PRELID2: variants seen among roughly 807,000 people sequenced by gnomAD.
PRELID2 encodes PRELI domain containing 2, also known as PRELI domain-containing protein 2.
A neutral mutation model predicts 28.4 loss-of-function variants in PRELID2; 25 were observed. That is an observed-to-expected ratio of 0.88 (90% CI 0.64 to 1.23). PRELID2 has a LOEUF of 1.23. Among genes scored for constraint, PRELID2 ranks in the 50% most tolerant of loss-of-function variants. PRELID2 has a pLI of 0.00. For missense variants in PRELID2, 201 were observed against 214.4 expected (o/e 0.94, Z 0.39); for synonymous variants, 76 against 71.6 (o/e 1.06, Z -0.31).
chr5:145,560,412 G>A (rs1006337686), intron 1 of PRELID2, among the ~76,000 whole-genome samples: 1 of 152,212 alleles, frequency 6.6e-6, no homozygotes, highest in African/African-American at 2.4e-5. Context: ...TTGAGTATAT[G>A]TTTGAACAAG....
intron 1 of PRELID2, among the ~76,000 whole-genome samples, chr5:145,704,746 C>T (rs1224196583): frequency 3.3e-5 from 5 of 152,124 alleles, no homozygotes; most frequent in Admixed American, 1.3e-4. Context: ...ACCTATGTTT[C>T]TCTCCTAGAT....
chr5:145,335,368 C>A, the PRELID2 span, among the ~76,000 whole-genome samples: 53 of 151,750 alleles, frequency 3.5e-4, no homozygotes, highest in Middle Eastern at 3.4e-3. Context: ...TATTGTTTTT[C>A]CTGGTATTAT....
At chr5:145,377,203 T>G in the PRELID2 span, among the ~76,000 whole-genome samples, 3 of 152,212 alleles carry the variant, frequency 2.0e-5, no homozygotes, top group Non-Finnish European at 4.4e-5. Context: ...TAGTTTTAAG[T>G]AAATTTATTA....
intron 4 of PRELID2, among the ~76,000 whole-genome samples, chr5:145,806,959 T>G (rs952909381): frequency 1.3e-5 from 2 of 152,346 alleles, no homozygotes; most frequent in Admixed American, 6.5e-5. Flanking sequence ...GTCTCAGTTA[T>G]TTCTTGATAA....
chr5:145,726,695 G>A (rs181134731), intron 1 of PRELID2, among the ~76,000 whole-genome samples: 9 of 152,316 alleles, frequency 5.9e-5, no homozygotes, highest in Non-Finnish European at 1.3e-4. Flanking sequence ...AATTATGTAG[G>A]TTAAATATAA....
the PRELID2 span, among the ~76,000 whole-genome samples, chr5:145,296,026 G>A: frequency 6.6e-6 from 1 of 151,970 alleles, no homozygotes; most frequent in Non-Finnish European, 1.5e-5. Context: ...ATAGGGAAGT[G>A]AGATTAATTG....
At chr5:145,468,417 T>C (rs1752022900), downstream of PRELID2, among the ~76,000 whole-genome samples, 1 of 152,350 alleles carries the variant, frequency 6.6e-6, no homozygotes, top group Admixed American at 6.5e-5. Flanking sequence ...TTTATAATCC[T>C]TTGGGTATAT....
chr5:145,685,651 T>C (rs1755024537), intron 1 of PRELID2, among the ~76,000 whole-genome samples: 1 of 150,908 alleles, frequency 6.6e-6, no homozygotes, highest in Admixed American at 6.6e-5. Context: ...AGAGGGAAGT[T>C]CTATATATTA....
the PRELID2 span, among the ~76,000 whole-genome samples, chr5:145,354,253 C>A: frequency 6.6e-6 from 1 of 152,180 alleles, no homozygotes; most frequent in East Asian, 1.9e-4. Flanking sequence ...GCCTCTTAAC[C>A]AAGATTCAGA....
chr5:145,336,413 C>T, the PRELID2 span, among the ~76,000 whole-genome samples: 182 of 151,406 alleles, frequency 1.2e-3, no homozygotes, highest in Middle Eastern at 3.4e-3. Flanking sequence ...TTAGGTCTAA[C>T]GTTTAAGTCT....
intron 1 of PRELID2, among the ~76,000 whole-genome samples, chr5:145,659,857 T>C (rs1470136569): frequency 6.6e-6 from 1 of 152,162 alleles, no homozygotes; most frequent in African/African-American, 2.4e-5. Flanking sequence ...TTTTTTTAAA[T>C]TGTATATTTA....
chr5:145,683,712 T>G (rs909954649), intron 1 of PRELID2, among the ~76,000 whole-genome samples: 2 of 152,132 alleles, frequency 1.3e-5, no homozygotes, highest in African/African-American at 4.8e-5. Context: ...ACAGATACTC[T>G]CAGATACTGG....
intron 1 of PRELID2, among the ~76,000 whole-genome samples, chr5:145,652,436 G>C (rs1293280073): frequency 3.3e-5 from 5 of 152,158 alleles, no homozygotes; most frequent in Admixed American, 1.3e-4. Flanking sequence ...GCAACTCCAA[G>C]ACACATAACT....
the PRELID2 span, among the ~76,000 whole-genome samples, chr5:145,417,912 G>T: frequency 6.6e-6 from 1 of 152,112 alleles, no homozygotes; most frequent in East Asian, 1.9e-4. Context: ...TCAAGCAAGA[G>T]AAAGAAATAA....
At chr5:145,334,395 T>C in the PRELID2 span, among the ~76,000 whole-genome samples, 2 of 152,344 alleles carry the variant, frequency 1.3e-5, no homozygotes, top group South Asian at 4.1e-4. Flanking sequence ...TGTCACAATT[T>C]ACATCTATTT....
chr5:145,717,831 A>G (rs1250975652), intron 1 of PRELID2, among the ~76,000 whole-genome samples: 1 of 151,964 alleles, frequency 6.6e-6, no homozygotes, highest in Non-Finnish European at 1.5e-5. Flanking sequence ...CAACAGATGT[A>G]ATATAAATGA....
At chr5:145,772,182 C>T (rs1244072488) in intron 5 of PRELID2, among the ~76,000 whole-genome samples, 1 of 151,834 alleles carries the variant, frequency 6.6e-6, no homozygotes, top group Non-Finnish European at 1.5e-5. Flanking sequence ...CTTATTTTAC[C>T]CTCCCATCTC....
chr5:145,431,951 C>T, the PRELID2 span, among the ~76,000 whole-genome samples: 1 of 152,070 alleles, frequency 6.6e-6, no homozygotes, highest in African/African-American at 2.4e-5. Flanking sequence ...TATCCATCAA[C>T]AGAGAAGAGA....
At chr5:145,421,965 TA>T in the PRELID2 span, among the ~76,000 whole-genome samples, 1 of 151,974 alleles carries the variant, frequency 6.6e-6, no homozygotes, top group Non-Finnish European at 1.5e-5. Context: ...AGAACACCTT[TA>T]TTTCTGCCTT....
Sources: allele counts gnomAD v4.1 joint callset (sites outside exome capture counted in the v4.1 genomes callset), GRCh38; gene constraint gnomAD v4.1.1; transcripts MANE v1.5; gene names NCBI Gene and HGNC (gene_info 2026-07-23, HGNC 2026-07-21).